The following CNTNAP2 variants were observed in gnomAD, a reference collection of about 807,000 sequenced individuals.
CNTNAP2 encodes the protein contactin associated protein 2.
Under a neutral mutation model 155.2 loss-of-function variants are expected in CNTNAP2, and 98 were observed. That is an observed-to-expected ratio of 0.63 (90% CI 0.54 to 0.75). CNTNAP2 has a LOEUF of 0.75. Ranked by LOEUF, CNTNAP2 falls within the 30% of genes least tolerant of loss-of-function variation. The probability of loss-of-function intolerance (pLI) is 0.00; values close to 1 mark genes in which losing one functional copy is unlikely to be tolerated. For synonymous variants in CNTNAP2, 651 were observed against 631.2 expected (o/e 1.03, Z -0.47); for missense variants, 1,727 against 1,688.1 (o/e 1.02, Z -0.40).
chr7:146,797,820 T>C (rs190240150), intron 2 of CNTNAP2, among the ~76,000 whole-genome samples: 19 of 152,336 alleles, frequency 1.2e-4, no homozygotes, highest in African/African-American at 4.3e-4. Context: ...ATCATCTCTT[T>C]CTCTGTCACT....
chr7:146,697,412 G>GT (rs1800800712), intron 1 of CNTNAP2, among the ~76,000 whole-genome samples: 1 of 151,854 alleles, frequency 6.6e-6, no homozygotes, highest in South Asian at 2.1e-4. Flanking sequence ...TAATTTTTGT[G>GT]TTTTTTGCTA....
chr7:148,403,438 TAG>T (rs1215934772), intron 22 of CNTNAP2, among the ~76,000 whole-genome samples: 2 of 152,174 alleles, frequency 1.3e-5, no homozygotes, highest in East Asian at 3.8e-4. Flanking sequence ...GTATGTTGAA[TAG>T]AGTCTGTGCT....
intron 10 of CNTNAP2, among the ~76,000 whole-genome samples, chr7:147,465,826 T>C (rs1255323579): frequency 6.6e-6 from 1 of 152,216 alleles, no homozygotes; most frequent in Non-Finnish European, 1.5e-5. Context: ...AGTTCTTCCC[T>C]GGTTACTATT....
intron 1 of CNTNAP2, among the ~76,000 whole-genome samples, chr7:146,587,695 G>A (rs920050601): frequency 6.6e-6 from 1 of 150,654 alleles, no homozygotes; most frequent in Admixed American, 6.6e-5. Flanking sequence ...TTTTTGAGAC[G>A]GAATTTTGCC....
chr7:146,721,665 CTATATATATACTATATACATTCTA>C lies in CNTNAP2; in HGVS notation c.98-52596_98-52573del, dbSNP rs1563203884. On this transcript the variant is annotated intron_variant, in intron 1 of 23. Transcript: ENST00000361727. Reference sequence around the variant, plus strand: ...ATTCTATATATATTCTATATACATTCTATATATATACTATATACATTCTATATATATATTCTATATACATTCTAT... The same window carrying C: ...ATTCTATATATATTCTATATACATTCTATATATATTCTATATACATTCTAT... Among the ~76,000 whole-genome samples the C allele has an allele frequency of 1.0e-4, 12 of 116,556 alleles. 2 individuals carry two copies. The highest frequency in any genetic ancestry group is 4.1e-4 in the African/African-American group (10 of 24,436). The allele number at this position is 116,556 out of a possible 152,430, so 76.5% of individuals were successfully genotyped here.
In CNTNAP2 at chr7:146,219,278, A is replaced by G. The variant is rs571220824; in HGVS notation, c.97+102305A>G. Among the ~76,000 whole-genome samples the G allele has an allele frequency of 1.4e-3, 215 of 152,284 alleles. 1 individual carries two copies. The highest frequency in any genetic ancestry group is 4.9e-3 in the African/African-American group (203 of 41,548). ...ATTTGAGTGGAGACATAGCCAAACC[A>G]TATCAGTAAGCTAATGAATACACAT... On this transcript the variant is annotated intron_variant, in intron 1 of 23. Transcript: ENST00000361727.
At chr7:147,090,560 T>C (rs988717071) in intron 4 of CNTNAP2, among the ~76,000 whole-genome samples, 2 of 152,204 alleles carry the variant, frequency 1.3e-5, no homozygotes, top group Non-Finnish European at 2.9e-5. Context: ...TTTTTTAATG[T>C]TCTAGAATTA....
intron 17 of CNTNAP2, among the ~76,000 whole-genome samples, chr7:148,154,900 A>G (rs1805369747): frequency 1.3e-5 from 2 of 151,870 alleles, no homozygotes; most frequent in Admixed American, 6.6e-5. Context: ...TTGTGCCACT[A>G]CACTCCAGCC....
chr7:146,528,929 A>C (rs762710544), intron 1 of CNTNAP2, among the ~76,000 whole-genome samples: 11 of 152,224 alleles, frequency 7.2e-5, no homozygotes, highest in Non-Finnish European at 1.5e-4. Context: ...TAATATATCA[A>C]GAAAGCGGAA....
chr7:146,601,296 ATAGT>A (rs1798945852), intron 1 of CNTNAP2, among the ~76,000 whole-genome samples: 1 of 152,166 alleles, frequency 6.6e-6, no homozygotes, highest in Admixed American at 6.6e-5. Context: ...ATGAAAAAGT[ATAGT>A]AAGAAATTTG....
At chr7:146,500,352 C>G (rs542573432) in intron 1 of CNTNAP2, among the ~76,000 whole-genome samples, 21 of 152,234 alleles carry the variant, frequency 1.4e-4, no homozygotes, top group Non-Finnish European at 2.8e-4. Context: ...AGTTCAGTCT[C>G]AAACCATCTG....
intron 15 of CNTNAP2, among the ~76,000 whole-genome samples, chr7:148,068,322 C>A (rs551491799): frequency 2.4e-4 from 37 of 152,322 alleles, no homozygotes; most frequent in African/African-American, 8.7e-4. Context: ...GAAACGGCTT[C>A]CCTGGGCACC....
intron 1 of CNTNAP2, among the ~76,000 whole-genome samples, chr7:146,568,019 A>C (rs529321984): frequency 6.6e-6 from 1 of 152,318 alleles, no homozygotes; most frequent in South Asian, 2.1e-4. Flanking sequence ...ATTTCAAGAA[A>C]TGTGTATACC....
At chr7:146,130,584 T>A (rs1000122361) in intron 1 of CNTNAP2, among the ~76,000 whole-genome samples, 1 of 152,364 alleles carries the variant, frequency 6.6e-6, no homozygotes, top group South Asian at 2.1e-4. Flanking sequence ...TTAACACATA[T>A]GTATGTTATT....
intron 11 of CNTNAP2, among the ~76,000 whole-genome samples, chr7:147,535,792 A>G (rs1162509611): frequency 6.6e-6 from 1 of 152,202 alleles, no homozygotes; most frequent in Non-Finnish European, 1.5e-5. Flanking sequence ...TACAGCAGTA[A>G]AAACAGTTTA....
At chr7:147,193,711 G>A (rs1160261480) in intron 8 of CNTNAP2, among the ~76,000 whole-genome samples, 1 of 152,022 alleles carries the variant, frequency 6.6e-6, no homozygotes, top group African/African-American at 2.4e-5. Context: ...AAGGAATGTA[G>A]GAAAGGAACC....
intron 9 of CNTNAP2, among the ~76,000 whole-genome samples, chr7:147,338,355 A>T (rs1258169298): frequency 2.5e-4 from 2 of 8,090 alleles, no homozygotes; most frequent in Middle Eastern, 0.031. Context: ...TTCCTCATGT[A>T]AAAAATTCAC....
At position 147,176,534 on chromosome 7, in the gene CNTNAP2, TTTTCCTC is replaced by T. The variant is rs1205971362; in HGVS notation, c.1348+44031_1348+44037del. ...AATATGTGCTGCATATTATATGCCT[TTTTCCTC>T]TTTCCCAGAATGCCTTTTACTAGTT... On this transcript the variant is annotated intron_variant, in intron 8 of 23. Coordinates refer to ENST00000361727, the MANE Select transcript of CNTNAP2 (RefSeq NM_014141.6). 2.7e-5 allele frequency among the ~76,000 whole-genome samples: 4 copies of T among 150,182 alleles called. No individual in the cohort carries two copies. In the East Asian group the frequency reaches 5.9e-4, roughly 22 times the overall value.
At chr7:147,735,824 A>G (rs13233382) in intron 13 of CNTNAP2, among the ~76,000 whole-genome samples, 88,237 of 151,290 alleles carry the variant, frequency 0.58, 28,537 homozygotes, top group East Asian at 0.9. Context: ...AGTTTGTTTT[A>G]TCAGAGACTA....
Sources: allele counts gnomAD v4.1 joint callset (sites outside exome capture counted in the v4.1 genomes callset), GRCh38; gene constraint gnomAD v4.1.1; transcripts MANE v1.5; gene names NCBI Gene and HGNC (gene_info 2026-07-23, HGNC 2026-07-21).